The following PRKN variants were observed in gnomAD, a reference collection of about 807,000 sequenced individuals.
PRKN encodes the protein E3 ubiquitin-protein ligase parkin.
A neutral mutation model predicts 59.5 loss-of-function variants in PRKN; 56 were observed. The ratio of observed to expected loss-of-function variants is 0.94; its 90% confidence interval spans 0.76 to 1.18. PRKN has a LOEUF of 1.18. Among genes scored for constraint, PRKN ranks in the 50% most tolerant of loss-of-function variants. The probability of loss-of-function intolerance (pLI) is 0.00; values close to 1 mark genes in which losing one functional copy is unlikely to be tolerated. For missense variants in PRKN, 657 were observed against 596.4 expected, an observed-to-expected ratio of 1.10 and a Z score of -1.06; for synonymous variants, 250 against 222.1, an observed-to-expected ratio of 1.13 and a Z score of -1.12.
At chr6:162,026,283 G>A (rs1463877414) in intron 5 of PRKN, among the ~76,000 whole-genome samples, 1 of 152,152 alleles carries the variant, frequency 6.6e-6, no homozygotes, top group Non-Finnish European at 1.5e-5. Flanking sequence ...CCTAAAATGC[G>A]GAGGCACACG....
chr6:162,361,835 C>A (rs1282265249), intron 2 of PRKN, among the ~76,000 whole-genome samples: 1 of 152,126 alleles, frequency 6.6e-6, no homozygotes, highest in Non-Finnish European at 1.5e-5. Flanking sequence ...ATACGTGCAG[C>A]CTGATATCAA....
intron 4 of PRKN, among the ~76,000 whole-genome samples, chr6:162,117,034 C>T (rs936983361): frequency 3.9e-5 from 6 of 152,156 alleles, no homozygotes; most frequent in East Asian, 3.9e-4. Flanking sequence ...TTTTATCAAA[C>T]TGTCCAGGAT....
At chr6:162,402,357 A>T (rs1787838772) in intron 2 of PRKN, among the ~76,000 whole-genome samples, 1 of 152,100 alleles carries the variant, frequency 6.6e-6, no homozygotes, top group Non-Finnish European at 1.5e-5. Flanking sequence ...ATTAATAGCC[A>T]TATGTACTTT....
chr6:161,565,616 C>T lies in PRKN; in HGVS notation c.933+3739G>A, dbSNP rs544799704. Among the ~76,000 whole-genome samples, 7 of 152,274 alleles carry T rather than the reference C, an allele frequency of 4.6e-5. No homozygotes were observed. The South Asian group carries it at 8.3e-4, about 18-fold the overall frequency. On this transcript the variant is annotated intron_variant, in intron 8 of 11. Transcript: ENST00000366898. Reference sequence around the variant, plus strand: ...TGAAGAAGGTACCTTGCTTCCCCTTCGCCTTCCGTCATGATTGTAAGTTTC... The same window carrying T: ...TGAAGAAGGTACCTTGCTTCCCCTTTGCCTTCCGTCATGATTGTAAGTTTC...
intron 2 of PRKN, among the ~76,000 whole-genome samples, chr6:162,387,461 T>C (rs1384399801): frequency 2.0e-5 from 3 of 151,608 alleles, no homozygotes; most frequent in African/African-American, 7.3e-5. Context: ...TAATAATTGC[T>C]CAAATTATTG....
Position 161,592,105 on chromosome 6 carries a change from A to G in PRKN, c.872-22689T>C, listed in dbSNP as rs555161049. ...AATACAAAGTCAATGCTATGTAAAT[A>G]GTTGTTATATTGCAATTTTATTTGT... On this transcript the variant is annotated intron_variant, in intron 7 of 11. Coordinates refer to ENST00000366898, the MANE Select transcript of PRKN (RefSeq NM_004562.3). This position sits in a 1 kb window ranked among gnomAD's most constrained non-coding sequence, Gnocchi z 4.8. Among the ~76,000 whole-genome samples the G allele has an allele frequency of 6.6e-6, 1 of 152,284 alleles. No individual in the cohort carries two copies. Among genetic ancestry groups the G allele is most frequent in the South Asian group, 2.1e-4 (1 of 4,824 alleles).
chr6:161,409,544 G>C lies in PRKN; in HGVS notation c.1084-22667C>G, dbSNP rs1787429550. ...ACTGACAGCACCTCTCAGTTCAAAG[G>C]AAAGTGGTGTGCTTGCTGGATATTT... is the stretch of plus-strand genomic sequence containing the variant. On this transcript the variant is annotated intron_variant, in intron 9 of 11. Transcript: ENST00000366898. The surrounding 1 kb of genome is among the most constrained non-coding windows in gnomAD (Gnocchi z 4.6). Among the ~76,000 whole-genome samples, 1 of 152,148 alleles carries C rather than the reference G, an allele frequency of 6.6e-6. No homozygotes were observed.
rs543275435 is a variant in PRKN, at chr6:162,077,319, T to C, written c.535-23145A>G. 7.4e-4 allele frequency among the ~76,000 whole-genome samples: 112 copies of C among 152,264 alleles called. 1 individual carries two copies. The highest frequency in any genetic ancestry group is 2.5e-3 in the African/African-American group (103 of 41,516). ...CTCTTGCTCTGAAAGCCTAGGTGTC[T>C]GGTAGGCTACAGCATCTAGCTGTGT... On this transcript the variant is annotated intron_variant, in intron 4 of 11. Transcript: ENST00000366898.
chr6:162,500,410 G>T (rs1793311479), intron 1 of PRKN, among the ~76,000 whole-genome samples: 1 of 115,900 alleles, frequency 8.6e-6, no homozygotes, highest in South Asian at 2.6e-4. Context: ...GACCTCAGGT[G>T]ATCCACCCGC....
In PRKN at chr6:161,467,659, G is replaced by C. The variant is rs1181733760; in HGVS notation, c.1084-80782C>G. 6.6e-6 allele frequency among the ~76,000 whole-genome samples: 1 copy of C among 152,204 alleles called. No homozygotes were observed. The highest frequency in any genetic ancestry group is 1.5e-5 in the Non-Finnish European group (1 of 68,042). On this transcript the variant is annotated intron_variant, in intron 9 of 11. Transcript: ENST00000366898. This position sits in a 1 kb window ranked among gnomAD's most constrained non-coding sequence, Gnocchi z 4.3. ...GCTTGAGAGGAGTCTCAAAGGATGT[G>C]CAGGAGCGACAGAGGCTGCAAATGC...
chr6:161,450,630 C>T (rs1426693061), intron 9 of PRKN, among the ~76,000 whole-genome samples: 3 of 152,046 alleles, frequency 2.0e-5, no homozygotes, highest in African/African-American at 7.2e-5. Flanking sequence ...GATCTCAGCT[C>T]ACTGCAACCT....
chr6:162,662,501 C>T (rs761499483), intron 1 of PRKN, among the ~76,000 whole-genome samples: 4 of 151,940 alleles, frequency 2.6e-5, no homozygotes, highest in Non-Finnish European at 5.9e-5. Flanking sequence ...TTGCCTAAAC[C>T]CATGTCCAGA....
intron 6 of PRKN, among the ~76,000 whole-genome samples, chr6:161,825,799 T>C (rs551948084): frequency 7.3e-4 from 111 of 152,280 alleles, no homozygotes; most frequent in African/African-American, 2.5e-3. Flanking sequence ...CCCTTCTCCT[T>C]GCCTTCAGAG....
intron 2 of PRKN, among the ~76,000 whole-genome samples, chr6:162,354,059 T>C (rs1784739075): frequency 6.6e-6 from 1 of 152,164 alleles, no homozygotes; most frequent in Admixed American, 6.6e-5. Flanking sequence ...CTTTATCTCT[T>C]CATATGAAAT....
chr6:162,021,466 T>A (rs1480785451), intron 5 of PRKN, among the ~76,000 whole-genome samples: 1,020 of 32,876 alleles, frequency 0.031, 4 homozygotes, highest in East Asian at 0.17. Flanking sequence ...TATATATTTT[T>A]TTTTTTTTTT....
intron 7 of PRKN, among the ~76,000 whole-genome samples, chr6:161,779,509 A>T (rs1790113090): frequency 8.9e-6 from 1 of 112,306 alleles, no homozygotes; most frequent in African/African-American, 3.5e-5. Flanking sequence ...CAGTGGTGTG[A>T]TCGTGGCTCA....
chr6:161,631,682 C>T (rs1783315804), intron 7 of PRKN, among the ~76,000 whole-genome samples: 1 of 151,976 alleles, frequency 6.6e-6, no homozygotes, highest in Non-Finnish European at 1.5e-5. Context: ...AAATGTCTTG[C>T]TATCTGTAGT....
chr6:161,467,251 T>C lies in PRKN; in HGVS notation c.1084-80374A>G, dbSNP rs1008171829. On this transcript the variant is annotated intron_variant, in intron 9 of 11. Coordinates refer to ENST00000366898, the MANE Select transcript of PRKN (RefSeq NM_004562.3). This position sits in a 1 kb window ranked among gnomAD's most constrained non-coding sequence, Gnocchi z 4.3. ...TTCTGTCTTAAGTATAATTCACTCA[T>C]TCATTCATTCATTCACCCATTCATC... Among the ~76,000 whole-genome samples, 8 of 152,216 alleles carry C rather than the reference T, an allele frequency of 5.3e-5. No homozygotes were observed. Among genetic ancestry groups the C allele is most frequent in the Non-Finnish European group, 1.2e-4 (8 of 68,034 alleles).
At chr6:161,713,754 C>G (rs185575676) in intron 7 of PRKN, among the ~76,000 whole-genome samples, 1 of 152,138 alleles carries the variant, frequency 6.6e-6, no homozygotes, top group Non-Finnish European at 1.5e-5. Context: ...TATGGTTTGA[C>G]TCTGTCCCCA....
Sources: gnomAD v4.1 joint callset for allele counts (sites outside exome capture counted in the v4.1 genomes callset) on GRCh38, gnomAD v4.1.1 for gene constraint, Gnocchi (gnomAD v3.1) non-coding constraint, MANE v1.5 for transcripts, NCBI Gene and HGNC (gene_info 2026-07-23, HGNC 2026-07-21) for gene names.